TMEM132D: variants seen among roughly 807,000 people sequenced by gnomAD.
TMEM132D encodes the protein mature OL transmembrane protein.
TMEM132D carries 21 observed loss-of-function variants against 62.3 expected under a neutral mutation model. The observed-to-expected ratio is 0.34, with a 90% CI of 0.24 to 0.49. TMEM132D has a LOEUF of 0.49. Ranked by LOEUF, TMEM132D falls within the 20% of genes least tolerant of loss-of-function variation. TMEM132D has a pLI of 0.99. For synonymous variants in TMEM132D, 621 were observed against 575.6 expected (o/e 1.08, Z -1.13); for missense variants, 1,346 against 1,402.8 (o/e 0.96, Z 0.65).
chr12:129,704,064 A>G (rs921571488), intron 1 of TMEM132D, among the ~76,000 whole-genome samples: 1 of 152,248 alleles, frequency 6.6e-6, no homozygotes, highest in Non-Finnish European at 1.5e-5. Flanking sequence ...GATAAAACAC[A>G]AACACCTAAT....
intron 5 of TMEM132D, among the ~76,000 whole-genome samples, chr12:129,096,331 G>A (rs914197421): frequency 2.6e-5 from 4 of 152,112 alleles, no homozygotes; most frequent in African/African-American, 9.7e-5. Context: ...CTGGGGAGCA[G>A]AGGCTGAGAC....
intron 4 of TMEM132D, among the ~76,000 whole-genome samples, chr12:129,301,169 T>C (rs904769598): frequency 2.0e-5 from 3 of 152,170 alleles, no homozygotes; most frequent in Admixed American, 6.5e-5. Context: ...AGCAAGGAAC[T>C]CTCCCCTTCC....
rs367727960 is a variant in TMEM132D at position 129,157,386 on chromosome 12, T to C, written c.1443+52134A>G. On this transcript the variant is annotated intron_variant, in intron 5 of 8. Transcript: ENST00000422113. ...ACATCCTATTATTTTCAATGCTTGA[T>C]CATCATACTTGCAGATTCACCTGCC... Among the ~76,000 whole-genome samples, 17 of 152,388 alleles carry C rather than the reference T, an allele frequency of 1.1e-4. No individual in the cohort carries two copies. In the South Asian group the frequency reaches 3.5e-3, roughly 32 times the overall value.
At chr12:129,155,026 C>T (rs114411556) in intron 5 of TMEM132D, among the ~76,000 whole-genome samples, 145 of 152,322 alleles carry the variant, frequency 9.5e-4, no homozygotes, top group African/African-American at 3.3e-3. Context: ...TGAAGTCAGC[C>T]AGCATTTCTG....
intron 1 of TMEM132D, among the ~76,000 whole-genome samples, chr12:129,888,682 G>A (rs1371383603): frequency 6.6e-6 from 1 of 152,178 alleles, no homozygotes; most frequent in African/African-American, 2.4e-5. Context: ...GCAGCTTGGA[G>A]AGCAGAGCAA....
At chr12:129,423,385 G>A (rs1400892658) in intron 3 of TMEM132D, among the ~76,000 whole-genome samples, 1 of 152,166 alleles carries the variant, frequency 6.6e-6, no homozygotes. Context: ...GCACTGCCTT[G>A]TCAGAGGAAG....
At chr12:129,159,419 G>A (rs1356111191) in intron 5 of TMEM132D, among the ~76,000 whole-genome samples, 1 of 152,000 alleles carries the variant, frequency 6.6e-6, no homozygotes, top group Non-Finnish European at 1.5e-5. Flanking sequence ...TCATAACTGG[G>A]GAAGAAACAC....
intron 3 of TMEM132D, among the ~76,000 whole-genome samples, chr12:129,356,969 G>A (rs1327481800): frequency 1.3e-5 from 2 of 150,940 alleles, no homozygotes; most frequent in African/African-American, 2.4e-5. Context: ...GGGCAAGGCC[G>A]GGCCTGATGG....
chr12:129,602,590 G>C (rs1878509955), intron 2 of TMEM132D, among the ~76,000 whole-genome samples: 2 of 152,132 alleles, frequency 1.3e-5, no homozygotes, highest in South Asian at 4.1e-4. Context: ...ACTGATACTA[G>C]TCACAGGGGC....
At chr12:129,502,916 T>G (rs1875198429) in intron 3 of TMEM132D, among the ~76,000 whole-genome samples, 1 of 152,184 alleles carries the variant, frequency 6.6e-6, no homozygotes, top group African/African-American at 2.4e-5. Flanking sequence ...CCAGGCTTAT[T>G]TATTTGTTCG....
chr12:129,336,116 A>G (rs1249799133), intron 4 of TMEM132D, among the ~76,000 whole-genome samples: 1 of 152,242 alleles, frequency 6.6e-6, no homozygotes, highest in Non-Finnish European at 1.5e-5. Flanking sequence ...ACTTCTTTAC[A>G]TGAAAGAAGA....
Position 129,084,687 on chromosome 12 carries a change from C to T in TMEM132D, c.1459G>A (p.Asp487Asn), listed in dbSNP as rs1261683275. Reference sequence around the variant, plus strand: ...TCTTTCCCATTGACAAAGACGTAGTCACATCTGTCAGAAACCTGTGAAGAG... The same window carrying T: ...TCTTTCCCATTGACAAAGACGTAGTTACATCTGTCAGAAACCTGTGAAGAG... ...EDVIKVSDRC[D>N]YVFVNGKEMK... The change falls in exon 6 of 9, where the codon GAC (aspartate) becomes AAC (asparagine). Residue 487 changes from aspartate (D) to asparagine (N), a missense_variant. Coordinates refer to ENST00000422113, the MANE Select transcript of TMEM132D (RefSeq NM_133448.3). 1 of 1,614,006 alleles carries T rather than the reference C, an allele frequency of 6.2e-7. No homozygotes were observed. The highest frequency in any genetic ancestry group is 1.1e-5 in the South Asian group (1 of 91,056).
intron 2 of TMEM132D, among the ~76,000 whole-genome samples, chr12:129,563,917 T>C (rs1877303933): frequency 6.6e-6 from 1 of 152,176 alleles, no homozygotes; most frequent in African/African-American, 2.4e-5. Flanking sequence ...AATGTTAGCC[T>C]TGGGACAGCG....
rs569138938 is a variant in TMEM132D at position 129,188,762 on chromosome 12, G to GGAGAGA, written c.1443+20752_1443+20757dup. Reference sequence around the variant, plus strand: ...AGGAGGGAGAGGGGGAGGGAGAGAGGGAGAGAGAGAGAGAGAGAGAGAGAG... The same window carrying GGAGAGA: ...AGGAGGGAGAGGGGGAGGGAGAGAGGGAGAGAGAGAGAGAGAGAGAGAGAGAGAGAG... On this transcript the variant is annotated intron_variant, in intron 5 of 8. Transcript: ENST00000422113. 1.3e-3 allele frequency among the ~76,000 whole-genome samples: 161 copies of GGAGAGA among 126,304 alleles called. 1 individual carries two copies. Among genetic ancestry groups the GGAGAGA allele is most frequent in the Middle Eastern group, 3.8e-3 (1 of 266 alleles). 82.9% of individuals were successfully genotyped at this position (126,304 alleles called of 152,430 possible).
intron 4 of TMEM132D, among the ~76,000 whole-genome samples, chr12:129,265,359 G>C (rs943714047): frequency 3.9e-5 from 6 of 152,196 alleles, no homozygotes; most frequent in Admixed American, 1.3e-4. Context: ...GTGGTAGATG[G>C]GGGAGCCAAG....
chr12:129,195,478 A>C (rs1878522459), intron 5 of TMEM132D, among the ~76,000 whole-genome samples: 1 of 151,972 alleles, frequency 6.6e-6, no homozygotes, highest in Non-Finnish European at 1.5e-5. Flanking sequence ...TAAAAGGATC[A>C]CTTTGACTCT....
At chr12:129,501,511 TTTTA>T (rs1472128186) in intron 3 of TMEM132D, among the ~76,000 whole-genome samples, 1 of 152,158 alleles carries the variant, frequency 6.6e-6, no homozygotes, top group Non-Finnish European at 1.5e-5. Context: ...TTTTAATTTT[TTTTA>T]TTTTTTTTTG....
chr12:129,147,261 TATGTGCATATGTATATATATAC>T (rs71449396), intron 5 of TMEM132D, among the ~76,000 whole-genome samples: 141 of 142,410 alleles, frequency 9.9e-4, no homozygotes, highest in African/African-American at 3.0e-3. Context: ...TATATATACA[TATGTGCATATGTATATATATAC>T]ATGTGCATAT....
chr12:129,073,089 T>C lies in TMEM132D; in HGVS notation c.*786A>G, dbSNP rs1289417552. 1.3e-5 allele frequency: 2 copies of C among 152,206 alleles called. No homozygotes were observed. Among genetic ancestry groups the C allele is most frequent in the African/African-American group, 2.4e-5 (1 of 41,450 alleles). 9.4% of individuals were successfully genotyped at this position (152,206 alleles called of 1,614,324 possible). ...AGTGGAGGAATAGAAATGGATACAT[T>C]GTGAACTTGATATGAATCAAAAGAG... On this transcript the variant is annotated 3_prime_UTR_variant, in exon 9 of 9. Transcript: ENST00000422113.
Sources: allele counts gnomAD v4.1 joint callset (sites outside exome capture counted in the v4.1 genomes callset), GRCh38; gene constraint gnomAD v4.1.1; transcripts MANE v1.5; gene names NCBI Gene and HGNC (gene_info 2026-07-23, HGNC 2026-07-21).